Variants in RIC8A observed in about 807,000 individuals in gnomAD.
RIC8A encodes RIC8 guanine nucleotide exchange factor A, also known as chaperone Ric-8A.
Under a neutral mutation model 48.4 loss-of-function variants are expected in RIC8A, and 37 were observed. That is an observed-to-expected ratio of 0.77 (90% CI 0.59 to 1.01). The LOEUF (loss-of-function observed/expected upper bound fraction) is 1.01, where lower values mean the gene tolerates loss of function less well. Ranked by LOEUF, RIC8A falls within the 50% of genes least tolerant of loss-of-function variation. The pLI, the probability that RIC8A is intolerant of heterozygous loss-of-function variation, is 0.00. For missense variants in RIC8A, 681 were observed against 696.8 expected (o/e 0.98, Z 0.25); for synonymous variants, 288 against 283.4 (o/e 1.02, Z -0.16).
chr11:210,479 C>A lies in RIC8A; in HGVS notation c.727-92C>A, dbSNP rs778571007. On this transcript the variant is annotated intron_variant, in intron 3 of 9. Transcript: ENST00000526104. ...TACAGGAGGTGCACAGTCATTGCCA[C>A]ACAGTCCTGGAGTGCAACAGACAGT... 5 of 1,187,204 alleles carry A rather than the reference C, an allele frequency of 4.2e-6. No homozygotes were observed. In the Admixed American group the frequency reaches 8.4e-5, roughly 20 times the overall value. 73.5% of individuals were successfully genotyped at this position (1,187,204 alleles called of 1,614,324 possible). A position where few individuals can be genotyped will look rare whatever the true frequency, so the allele number is the denominator to read the frequency against.
In RIC8A at chr11:209,467, A is replaced by C; in HGVS notation, c.193A>C (p.Ile65Leu). 2 of 1,606,530 alleles carry C rather than the reference A, an allele frequency of 1.2e-6. No homozygotes were observed. Among genetic ancestry groups the C allele is most frequent in the South Asian group, 2.2e-5 (2 of 90,968 alleles). ...EQGLPPSHRV[I>L]WLQSVRILSR... is the part of the protein sequence containing the mutation. ...GGGCTTGCCACCCTCCCACCGTGTC[A>C]TCTGGCTGCAGAGTGTCCGAATCCT... Residue 65 changes from isoleucine (I) to leucine (L), a missense_variant, in exon 3 of 10, where the codon ATC (isoleucine) becomes CTC (leucine). Physicochemically the swap from Ile to Leu is conservative, Grantham distance 5. Coordinates refer to ENST00000526104, the MANE Select transcript of RIC8A (RefSeq NM_001286134.2).
At chr11:209,160 A>G in intron 1 of RIC8A, 111 bp from the exon 2 acceptor site, 1 of 1,342,746 alleles carries the variant, frequency 7.4e-7, no homozygotes, top group Non-Finnish European at 1.1e-6. Context: ...CGACCCTGCC[A>G]TCCGTTCTGA....
Position 209,715 on chromosome 11 carries a change from T to C in RIC8A, c.441T>C (p.Arg147=), listed in dbSNP as rs770452205. Residue 147 remains arginine, a synonymous_variant, in exon 3 of 10, where the codon CGT becomes CGC. Transcript: ENST00000526104. ...GCCTAGTGGTGAAGCTCACAGAGCG[T>C]GTGGGGCTGTACCGTGAGAGGAGCT... ...EARLVVKLTE[R]VGLYRERSFP... 14 of 1,613,904 alleles carry C rather than the reference T, an allele frequency of 8.7e-6. No individual in the cohort carries two copies. The Admixed American group carries it at 2.2e-4, about 25-fold the overall frequency.
At chr11:210,719 C>G in intron 4 of RIC8A, 57 bp downstream of exon 4, 2 of 1,536,242 alleles carry the variant, frequency 1.3e-6, no homozygotes, top group Non-Finnish European at 1.8e-6. Flanking sequence ...GATGGTCGTC[C>G]TCAACCCCGG....
Position 212,953 on chromosome 11 carries a change from A to G in RIC8A, c.1327A>G (p.Thr443Ala), listed in dbSNP as rs1003874120. Reference protein sequence around the residue: ...GQYSEDEDTDTDEYKEAKASI... With the variant: ...GQYSEDEDTDADEYKEAKASI... ...GTACTCAGAGGATGAGGACACAGAC[A>G]CAGATGAGTACAAGGAAGCCAAAGC... The change falls in exon 8 of 10, where the codon ACA (threonine) becomes GCA (alanine). Residue 443 changes from threonine (T) to alanine (A), a missense_variant. Transcript: ENST00000526104. 8.2e-6 allele frequency: 13 copies of G among 1,577,340 alleles called. No homozygotes were observed. Among genetic ancestry groups the G allele is most frequent in the Non-Finnish European group, 9.5e-6 (11 of 1,163,080 alleles).
chr11:214,142 G>A (rs945761207), intron 9 of RIC8A, 88 bp from the exon 10 acceptor site: 1 of 1,465,162 alleles, frequency 6.8e-7, no homozygotes, highest in Non-Finnish European at 9.3e-7. Flanking sequence ...CTACTTGGTA[G>A]AGAGGAAGGT....
intron 9 of RIC8A, 40 bp downstream of exon 9, chr11:213,458 G>T: frequency 6.4e-7 from 1 of 1,552,944 alleles, no homozygotes; most frequent in South Asian, 1.2e-5. Flanking sequence ...GCTGGGAGAA[G>T]GGAGAGCTGA....
rs370694209 is a variant in RIC8A at position 209,387 on chromosome 11, G to A, written c.133-20G>A. ...CCAGGAAGAAGGGCCTGGTGGAGCC[G>A]CTCTTCTCCCTGCCCACAGAGACTG... On this transcript the variant is annotated intron_variant, in intron 2 of 9. Coordinates refer to ENST00000526104, the MANE Select transcript of RIC8A (RefSeq NM_001286134.2). 6.9e-6 allele frequency: 11 copies of A among 1,600,018 alleles called. No individual in the cohort carries two copies. The highest frequency in any genetic ancestry group is 3.3e-4 in the Middle Eastern group (2 of 6,034).
At chr11:210,350 TAGA>T in intron 3 of RIC8A, 1 of 701,260 alleles carries the variant, frequency 1.4e-6, no homozygotes, top group Non-Finnish European at 2.6e-6. Context: ...GAAGTGCTCT[TAGA>T]AGAATACTCA....
At position 212,514 on chromosome 11, in the gene RIC8A, A is replaced by G. The variant is rs1855387650; in HGVS notation, c.1065+3A>G. On this transcript the variant is annotated splice_donor_region_variant and intron_variant, in intron 6 of 9. Transcript: ENST00000526104. ...CCAGGAAGTTCCTGAAGGCCCAGGT[A>G]TAAGGCTGAGGAGCTGGTGCTCCTG... 2 of 1,613,578 alleles carry G rather than the reference A, an allele frequency of 1.2e-6. No homozygotes were observed. Among genetic ancestry groups the G allele is most frequent in the Non-Finnish European group, 1.7e-6 (2 of 1,179,830 alleles).
At chr11:213,149 G>A (rs1855411160) in intron 8 of RIC8A, 150 bp from the exon 9 acceptor site, 1 of 1,367,554 alleles carries the variant, frequency 7.3e-7, no homozygotes, top group Admixed American at 2.6e-5. Flanking sequence ...GGTGGCAGAT[G>A]GCAGGAGCTG....
chr11:208,645 C>T lies in RIC8A; in HGVS notation c.-210C>T, dbSNP rs573797022. Reference sequence around the variant, plus strand: ...AGCGACTCAGCCCCTCGACTCGGGTCTTAAAACCTCCGAGCCGCCAGTTCT... The same window carrying T: ...AGCGACTCAGCCCCTCGACTCGGGTTTTAAAACCTCCGAGCCGCCAGTTCT... On this transcript the variant is annotated 5_prime_UTR_variant, in exon 1 of 10. Transcript: ENST00000526104. The surrounding 1 kb of genome is among the most constrained non-coding windows in gnomAD (Gnocchi z 4.8). 2.1e-6 allele frequency: 1 copy of T among 480,226 alleles called. No individual in the cohort carries two copies. Among genetic ancestry groups the T allele is most frequent in the South Asian group, 3.1e-5 (1 of 32,702 alleles). The allele number at this position is 480,226 out of a possible 1,614,324, so 29.7% of individuals were successfully genotyped here.
rs1372112820 is a variant in RIC8A, at chr11:213,453, G to A, written c.1475+35G>A. Reference sequence around the variant, plus strand: ...ATGAGGAGGAGGGGCCTGCAGCTGGGAGAAGGGAGAGCTGACCCACATCCT... The same window carrying A: ...ATGAGGAGGAGGGGCCTGCAGCTGGAAGAAGGGAGAGCTGACCCACATCCT... On this transcript the variant is annotated intron_variant, in intron 9 of 9. Transcript: ENST00000526104. The A allele has an allele frequency of 3.2e-6, 5 of 1,554,298 alleles. No homozygotes were observed. In the East Asian group the frequency reaches 9.7e-5, roughly 30 times the overall value.
At position 211,471 on chromosome 11, in the gene RIC8A, T is replaced by C. The variant is rs1484182697; in HGVS notation, c.969+122T>C. ...CGTGGAGATTGTCTTGGTGGTGTGATATGGGCGACTCTTCCGGTTGTTCTG... is the reference window on the plus strand; with the variant it reads ...CGTGGAGATTGTCTTGGTGGTGTGACATGGGCGACTCTTCCGGTTGTTCTG... On this transcript the variant is annotated intron_variant, in intron 5 of 9. Transcript: ENST00000526104. This position sits in a 1 kb window ranked among gnomAD's most constrained non-coding sequence, Gnocchi z 4.0. 11 of 1,080,900 alleles carry C rather than the reference T, an allele frequency of 1.0e-5. No homozygotes were observed. The highest frequency in any genetic ancestry group is 2.6e-5 in the East Asian group (1 of 39,004). The allele number at this position is 1,080,900 out of a possible 1,614,324, so 67.0% of individuals were successfully genotyped here.
chr11:214,009 G>C (rs570996292), intron 9 of RIC8A, among the ~76,000 whole-genome samples: 2 of 152,066 alleles, frequency 1.3e-5, no homozygotes, highest in African/African-American at 2.4e-5. Flanking sequence ...CAAATTAAGA[G>C]CCTGCTTAAG....
intron 3 of RIC8A, 64 bp from the exon 4 acceptor site, chr11:210,507 A>G: frequency 1.4e-6 from 2 of 1,408,712 alleles, no homozygotes; most frequent in Non-Finnish European, 2.0e-6. Context: ...CAGACAGTGG[A>G]GCCTCAGCAG....
At position 208,763 on chromosome 11, in the gene RIC8A, G is replaced by A. The variant is rs1359679588; in HGVS notation, c.-92G>A. 4 of 981,794 alleles carry A rather than the reference G, an allele frequency of 4.1e-6. No individual in the cohort carries two copies. The highest frequency in any genetic ancestry group is 1.8e-5 in the African/African-American group (1 of 56,960). 60.8% of individuals were successfully genotyped at this position (981,794 alleles called of 1,614,324 possible). A position where few individuals can be genotyped will look rare whatever the true frequency, so the allele number is the denominator to read the frequency against. On this transcript the variant is annotated 5_prime_UTR_variant, in exon 1 of 10. Transcript: ENST00000526104. This position sits in a 1 kb window ranked among gnomAD's most constrained non-coding sequence, Gnocchi z 4.8. ...CGCCCCGTCCCGGCCTCCCCCGCGC[G>A]CTGGCGCGGGGCTTTCTGGGCCAGG...
chr11:210,465 C>A, intron 3 of RIC8A, 106 bp from the exon 4 acceptor site: 2 of 1,071,094 alleles, frequency 1.9e-6, no homozygotes, highest in Non-Finnish European at 2.9e-6. Context: ...ACAGGAGGTG[C>A]ACAGTCATTG....
chr11:212,530 G>A lies in RIC8A; in HGVS notation c.1065+19G>A, dbSNP rs775392003. 4.3e-6 allele frequency: 7 copies of A among 1,612,668 alleles called. No individual in the cohort carries two copies. In the East Asian group the frequency reaches 1.1e-4, roughly 26 times the overall value. On this transcript the variant is annotated intron_variant, in intron 6 of 9. Coordinates refer to ENST00000526104, the MANE Select transcript of RIC8A (RefSeq NM_001286134.2). ...GGCCCAGGTATAAGGCTGAGGAGCTGGTGCTCCTGGGGGATGTGGTTTCGG... is the reference window on the plus strand; with the variant it reads ...GGCCCAGGTATAAGGCTGAGGAGCTAGTGCTCCTGGGGGATGTGGTTTCGG...
Sources: allele counts gnomAD v4.1 joint callset (sites outside exome capture counted in the v4.1 genomes callset), GRCh38; gene constraint gnomAD v4.1.1; non-coding constraint Gnocchi (gnomAD v3.1); transcripts MANE v1.5; gene names NCBI Gene and HGNC (gene_info 2026-07-23, HGNC 2026-07-21).